The following TBCCD1 variants were observed in gnomAD, a reference collection of about 807,000 sequenced individuals.
TBCCD1 encodes the protein TBCC domain containing 1.
A neutral mutation model predicts 53.4 loss-of-function variants in TBCCD1; 26 were observed. That is an observed-to-expected ratio of 0.49 (90% CI 0.36 to 0.68). TBCCD1 has a LOEUF of 0.68. TBCCD1 is among the 30% of genes least tolerant of loss of function. The pLI is 0.00. For missense variants in TBCCD1, 558 were observed against 669.5 expected (o/e 0.83, Z 1.84); for synonymous variants, 245 against 241.7 (o/e 1.01, Z -0.13).
intron 7 of TBCCD1, among the ~76,000 whole-genome samples, chr3:186,549,912 T>C (rs1395122759): frequency 6.6e-6 from 1 of 152,192 alleles, no homozygotes; most frequent in African/African-American, 2.4e-5. Flanking sequence ...GTCCTTTGTC[T>C]GTTTTCTATT....
chr3:186,547,412 T>C (rs28575058), intron 7 of TBCCD1, among the ~76,000 whole-genome samples: 55,012 of 151,528 alleles, frequency 0.36, 12,325 homozygotes, highest in East Asian at 0.72. Flanking sequence ...TGTGCCACCA[T>C]GCTCAGCTAA....
At chr3:186,561,227 C>T (rs1321140706) in intron 2 of TBCCD1, among the ~76,000 whole-genome samples, 1 of 152,144 alleles carries the variant, frequency 6.6e-6, no homozygotes, top group African/African-American at 2.4e-5. Flanking sequence ...TAATGAACTC[C>T]TGCAGCTCAA....
chr3:186,566,678 G>T (rs1714841667), intron 1 of TBCCD1, among the ~76,000 whole-genome samples: 1 of 152,212 alleles, frequency 6.6e-6, no homozygotes, highest in South Asian at 2.1e-4. Context: ...ATCCAGAAGA[G>T]AATTTCCAGA....
rs1019274947 is a variant in TBCCD1, at chr3:186,546,920, G to C, written c.*57C>G. ...AATTTAGTTTCAAGTTTCAAGATGAGCACCATCCTCCATTTATCCTTGTAT... is the reference window on the plus strand; with the variant it reads ...AATTTAGTTTCAAGTTTCAAGATGACCACCATCCTCCATTTATCCTTGTAT... On this transcript the variant is annotated 3_prime_UTR_variant, in exon 8 of 8. Transcript: ENST00000338733. 9 of 151,498 alleles carry C rather than the reference G, an allele frequency of 5.9e-5. No individual in the cohort carries two copies. Among genetic ancestry groups the C allele is most frequent in the African/African-American group, 2.2e-4 (9 of 41,198 alleles). The allele number at this position is 151,498 out of a possible 1,614,324, so 9.4% of individuals were successfully genotyped here. A position where few individuals can be genotyped will look rare whatever the true frequency, so the allele number is the denominator to read the frequency against.
chr3:186,555,099 A>G lies in TBCCD1; in HGVS notation c.860-15T>C, dbSNP rs1271020185. 1 of 1,582,288 alleles carries G rather than the reference A, an allele frequency of 6.3e-7. No homozygotes were observed. Among genetic ancestry groups the G allele is most frequent in the Non-Finnish European group, 8.6e-7 (1 of 1,164,322 alleles). Reference sequence around the variant, plus strand: ...GGTCCCTTCAACTATTTAAGAAAACATATAAATAGATGAGGCAGTATCAAA... The same window carrying G: ...GGTCCCTTCAACTATTTAAGAAAACGTATAAATAGATGAGGCAGTATCAAA... On this transcript the variant is annotated splice_polypyrimidine_tract_variant and intron_variant, in intron 4 of 7. Coordinates refer to ENST00000338733, the MANE Select transcript of TBCCD1 (RefSeq NM_018138.5).
At chr3:186,564,815 T>C (rs1468718776) in intron 1 of TBCCD1, among the ~76,000 whole-genome samples, 6 of 152,228 alleles carry the variant, frequency 3.9e-5, no homozygotes, top group Non-Finnish European at 8.8e-5. Context: ...GCTGAGCATA[T>C]AAATTCAATA....
chr3:186,552,577 C>A lies in TBCCD1; in HGVS notation c.1545-1298G>T, dbSNP rs541221674. On this transcript the variant is annotated intron_variant, in intron 6 of 7. Coordinates refer to ENST00000338733, the MANE Select transcript of TBCCD1 (RefSeq NM_018138.5). The stretch of plus-strand genomic sequence containing the variant: ...CTTCTTTACAATTATAGTTTTAGCT[C>A]TTCCTTCCTTCCTCCTGCCTTAGAT... 1.1e-4 allele frequency among the ~76,000 whole-genome samples: 16 copies of A among 152,238 alleles called. No individual in the cohort carries two copies. The South Asian group carries it at 3.1e-3, about 30-fold the overall frequency.
At chr3:186,562,344 C>G (rs1029856154) in intron 2 of TBCCD1, among the ~76,000 whole-genome samples, 3 of 152,160 alleles carry the variant, frequency 2.0e-5, no homozygotes, top group Non-Finnish European at 4.4e-5. Flanking sequence ...GATCCTGTCT[C>G]TTAAAAACAG....
chr3:186,569,439 C>A (rs1017007014), upstream of TBCCD1, among the ~76,000 whole-genome samples: 15 of 151,982 alleles, frequency 9.9e-5, no homozygotes, highest in Non-Finnish European at 2.1e-4. Flanking sequence ...CTGCCTCAGG[C>A]TCCCGAGCAG....
chr3:186,564,262 G>A lies in TBCCD1; in HGVS notation c.68C>T (p.Pro23Leu), dbSNP rs571709585. The part of the protein sequence containing the change: ...EPFIVGALQV[P>L]PPSKFSLHYL... ...GTGAAGACTAAACTTGGATGGAGGG[G>A]GGACCTGCAAGGCACCCACTATAAA... is the stretch of plus-strand genomic sequence containing the variant. The change falls in exon 2 of 8, where the codon CCC (proline) becomes CTC (leucine). Residue 23 changes from proline (P) to leucine (L), a missense_variant. Coordinates refer to ENST00000338733, the MANE Select transcript of TBCCD1 (RefSeq NM_018138.5). The A allele has an allele frequency of 1.2e-6, 2 of 1,614,180 alleles. No homozygotes were observed. Among genetic ancestry groups the A allele is most frequent in the Non-Finnish European group, 1.7e-6 (2 of 1,180,036 alleles).
chr3:186,547,601 A>C (rs1324912843), intron 7 of TBCCD1, among the ~76,000 whole-genome samples: 1 of 148,326 alleles, frequency 6.7e-6, no homozygotes, highest in Non-Finnish European at 1.5e-5. Context: ...AAATATTGCT[A>C]AATTCTTTTT....
chr3:186,550,107 A>G (rs574433512), intron 7 of TBCCD1, among the ~76,000 whole-genome samples: 1 of 151,298 alleles, frequency 6.6e-6, no homozygotes, highest in Non-Finnish European at 1.5e-5. Flanking sequence ...CGTGCCTGTA[A>G]TCTCAGCTAC....
chr3:186,556,285 T>C, intron 4 of TBCCD1, 124 bp downstream of exon 4: 1 of 1,095,044 alleles, frequency 9.1e-7, no homozygotes, highest in Non-Finnish European at 1.3e-6. Context: ...TTCCTTTTTC[T>C]CTTTTATAGG....
At chr3:186,565,768 TTC>T (rs1412605506) in intron 1 of TBCCD1, among the ~76,000 whole-genome samples, 4 of 152,298 alleles carry the variant, frequency 2.6e-5, no homozygotes, top group South Asian at 2.1e-4. Flanking sequence ...TACGAATTAT[TTC>T]TGTGTGAAAA....
rs766284095 is a variant in TBCCD1 at position 186,564,153 on chromosome 3, G to A, written c.177C>T (p.His59=). ...CCAACTGCAGCTTCCCACAAGCGAT[G>A]TGCCTCCATGTAGACCAGTAGAGGC... is the stretch of plus-strand genomic sequence containing the variant. ...YPRLYWSTWR[H]IACGKLQLAK... is the part of the protein sequence containing the mutation. Residue 59 remains histidine, a synonymous_variant, in exon 2 of 8, where the codon CAC becomes CAT. Transcript: ENST00000338733. 1.9e-6 allele frequency: 3 copies of A among 1,614,082 alleles called. No individual in the cohort carries two copies. Among genetic ancestry groups the A allele is most frequent in the Non-Finnish European group, 2.5e-6 (3 of 1,180,046 alleles).
rs1040840509 is a variant in TBCCD1 at position 186,556,713 on chromosome 3, C to T, written c.555G>A (p.Leu185=). ...VYDHLSDLLE[L]LLDPKQLTAS... is the part of the protein sequence containing the mutation. Reference sequence around the variant, plus strand: ...CAGTGAGTTGTTTTGGATCTAAAAGCAGCTCGAGGAGATCAGACAGATGAT... The same window carrying T: ...CAGTGAGTTGTTTTGGATCTAAAAGTAGCTCGAGGAGATCAGACAGATGAT... The change falls in exon 4 of 8, where the codon CTG becomes CTA. Residue 185 remains leucine (L), a synonymous_variant. Transcript: ENST00000338733. The T allele has an allele frequency of 6.2e-7, 1 of 1,613,972 alleles. No individual in the cohort carries two copies. Among genetic ancestry groups the T allele is most frequent in the Non-Finnish European group, 8.5e-7 (1 of 1,180,010 alleles).
intron 4 of TBCCD1, among the ~76,000 whole-genome samples, chr3:186,555,896 C>T (rs1029294790): frequency 3.3e-5 from 5 of 152,090 alleles, no homozygotes; most frequent in Non-Finnish European, 4.4e-5. Context: ...CCTGAGAGCA[C>T]ATCTTCCTAT....
At chr3:186,563,880 A>G in intron 2 of TBCCD1, 114 bp downstream of exon 2, 1 of 1,297,226 alleles carries the variant, frequency 7.7e-7, no homozygotes, top group Non-Finnish European at 1.0e-6. Flanking sequence ...CCTGGGCAAC[A>G]AAGTGAAACT....
At position 186,554,614 on chromosome 3, in the gene TBCCD1, C is replaced by A. The variant is rs749429267; in HGVS notation, c.1184G>T (p.Cys395Phe). 14 of 1,614,048 alleles carry A rather than the reference C, an allele frequency of 8.7e-6. No homozygotes were observed. Among genetic ancestry groups the A allele is most frequent in the African/African-American group, 1.3e-5 (1 of 75,012 alleles). ...TGTAGGCGTAAGAACGTGAAAGATG[C>A]AACCTGTTGTAGAAGAGATGGACAA... ...HRLSISSTTG[C>F]IFHVLTPTRP... Residue 395 changes from cysteine to phenylalanine, a missense_variant, in exon 6 of 8, where the codon TGC becomes TTC. Coordinates refer to ENST00000338733, the MANE Select transcript of TBCCD1 (RefSeq NM_018138.5).
Sources: allele counts gnomAD v4.1 joint callset (sites outside exome capture counted in the v4.1 genomes callset), GRCh38; gene constraint gnomAD v4.1.1; transcripts MANE v1.5; gene names NCBI Gene and HGNC (gene_info 2026-07-23, HGNC 2026-07-21).